The following ADGRG4 variants were observed in gnomAD, a reference collection of about 807,000 sequenced individuals.
ADGRG4 encodes adhesion G protein-coupled receptor G4.
Under a neutral mutation model 126.2 loss-of-function variants are expected in ADGRG4, and 122 were observed. The observed-to-expected ratio is 0.97, with a 90% CI of 0.83 to 1.12. ADGRG4 has a LOEUF of 1.12. Among genes scored for constraint, ADGRG4 ranks in the 50% most tolerant of loss-of-function variants. ADGRG4 has a pLI of 0.00. For missense variants in ADGRG4, 2,481 were observed against 2,251.8 expected (o/e 1.10, Z -2.06); for synonymous variants, 943 against 838.7 (o/e 1.12, Z -2.15).
At chrX:136,416,408 G>C (rs755836193) in intron 25 of ADGRG4, 46 bp from the exon 26 acceptor site, 13 of 1,101,378 alleles carry the variant, frequency 1.2e-5, no homozygotes, top group South Asian at 2.0e-5. Flanking sequence ...TATGTGCAAA[G>C]TCCCTGATGC....
chrX:136,338,494 C>T (rs766148518), intron 5 of ADGRG4, among the ~76,000 whole-genome samples: 1 of 111,656 alleles, frequency 9.0e-6, no homozygotes, highest in African/African-American at 3.3e-5. Context: ...TCAGGATTTG[C>T]AGATTTGTTA....
chrX:136,386,287 C>A (rs1351756127), intron 15 of ADGRG4, among the ~76,000 whole-genome samples: 1 of 111,639 alleles, frequency 9.0e-6, no homozygotes, highest in Non-Finnish European at 1.9e-5. Context: ...ATTTTGTTTA[C>A]AATGGGGTTT....
intron 18 of ADGRG4, among the ~76,000 whole-genome samples, chrX:136,393,796 G>A (rs748705956): frequency 9.9e-5 from 11 of 111,467 alleles, no homozygotes; most frequent in Non-Finnish European, 1.5e-4. Context: ...TTGGTGCTGG[G>A]GCTACAGTGC....
In ADGRG4 at chrX:136,346,185, C is replaced by G. The variant is rs138190399; in HGVS notation, c.2479C>G (p.Pro827Ala). ...IVFGGTTTPV[P>A]KSATTQRLNA... Reference sequence around the variant, plus strand: ...ATTTGGAGGTACAACGACCCCTGTACCAAAGTCAGCAACAACACAAAGATT... The same window carrying G: ...ATTTGGAGGTACAACGACCCCTGTAGCAAAGTCAGCAACAACACAAAGATT... The change falls in exon 6 of 26, where the codon CCA (proline) becomes GCA (alanine). Residue 827 changes from proline to alanine, a missense_variant. Physicochemically the swap from Pro to Ala is conservative, Grantham distance 27. Coordinates refer to ENST00000394143, the MANE Select transcript of ADGRG4 (RefSeq NM_153834.4). The G allele has an allele frequency of 8.4e-4, 1,009 of 1,206,884 alleles. 2 individuals are homozygous for G. The African/African-American group carries it at 0.016, about 19-fold the overall frequency.
At chrX:136,314,623 T>G (rs2074793760) in intron 4 of ADGRG4, among the ~76,000 whole-genome samples, 1 of 112,287 alleles carries the variant, frequency 8.9e-6, no homozygotes, top group African/African-American at 3.2e-5. Flanking sequence ...AATGTAGACA[T>G]TTCCTTTCCC....
intron 5 of ADGRG4, 48 bp downstream of exon 5, chrX:136,323,440 A>G (rs1347559028): frequency 1.8e-6 from 2 of 1,109,304 alleles, no homozygotes; most frequent in Non-Finnish European, 2.4e-6. Context: ...GTGTTGACAC[A>G]GTACTTCTCT....
At chrX:136,344,302 C>A in intron 5 of ADGRG4, 90 bp from the exon 6 acceptor site, 1 of 578,574 alleles carries the variant, frequency 1.7e-6, no homozygotes, top group East Asian at 3.6e-5. Context: ...TACTTTCTTA[C>A]AAAATGAAAA....
intron 22 of ADGRG4, 122 bp from the exon 23 acceptor site, chrX:136,405,570 A>G: frequency 2.0e-6 from 1 of 491,539 alleles, no homozygotes; most frequent in Non-Finnish European, 3.1e-6. Context: ...AACTCTGTCC[A>G]GTTCATTTCT....
At position 136,387,720 on chromosome X, in the gene ADGRG4, T is replaced by C; in HGVS notation, c.7777-20T>C. On this transcript the variant is annotated intron_variant, in intron 15 of 25. Transcript: ENST00000394143. ...GATGAATGAAGACTCCAATTTTCAT[T>C]TTTTGGCTTTTCTTGGCAGATTTTC... 1 of 1,199,823 alleles carries C rather than the reference T, an allele frequency of 8.3e-7. No homozygotes were observed. Among genetic ancestry groups the C allele is most frequent in the East Asian group, 3.0e-5 (1 of 33,468 alleles).
intron 4 of ADGRG4, among the ~76,000 whole-genome samples, chrX:136,319,733 ATC>A: frequency 1.8e-5 from 2 of 109,391 alleles, no homozygotes; most frequent in South Asian, 8.1e-4. Flanking sequence ...CTATCTATCT[ATC>A]TATCTATCTA....
intron 4 of ADGRG4, among the ~76,000 whole-genome samples, chrX:136,316,392 G>GAA (rs1162467523): frequency 4.0e-4 from 41 of 102,408 alleles, no homozygotes; most frequent in African/African-American, 1.3e-3. Context: ...GGATTTTGCT[G>GAA]AAAAAAAAAA....
chrX:136,393,779 C>T (rs1243432767), intron 18 of ADGRG4, among the ~76,000 whole-genome samples, 199 bp downstream of exon 18: 1 of 111,640 alleles, frequency 9.0e-6, no homozygotes, highest in Non-Finnish European at 1.9e-5. Flanking sequence ...TAGGTAAGAT[C>T]TCTCAATTGG....
At chrX:136,351,680 T>G (rs1384040903) in intron 7 of ADGRG4, 139 bp downstream of exon 7, 3 of 302,747 alleles carry the variant, frequency 9.9e-6, no homozygotes, top group Non-Finnish European at 1.7e-5. Context: ...AGTTTTTTTT[T>G]TTTTGCTGCA....
At position 136,345,120 on chromosome X, in the gene ADGRG4, G is replaced by A. The variant is rs765548885; in HGVS notation, c.1414G>A (p.Val472Met). The change falls in exon 6 of 26, where the codon GTG becomes ATG. Residue 472 changes from valine to methionine, a missense_variant. Transcript: ENST00000394143. ...TGCATCATCATTCCCACCTGAGCCT[G>A]TGCTCATCTCCACAGCTGCTCCAGT... is the stretch of plus-strand genomic sequence containing the variant. The part of the protein sequence containing the change: ...GTASSFPPEP[V>M]LISTAAPVDS... The A allele has an allele frequency of 7.0e-5, 85 of 1,209,557 alleles. No individual in the cohort carries two copies. The highest frequency in any genetic ancestry group is 8.9e-5 in the Non-Finnish European group (80 of 894,839).
chrX:136,377,167 C>CTTTTTTTTTTTTTTTT (rs1184343263), intron 15 of ADGRG4, among the ~76,000 whole-genome samples: 37 of 48,635 alleles, frequency 7.6e-4, no homozygotes, highest in African/African-American at 1.8e-3. Context: ...GTTTTCTTTC[C>CTTTTTTTTTTTTTTTT]TTTTTTTTTT....
At position 136,350,411 on chromosome X, in the gene ADGRG4, G is replaced by A. The variant is rs138606204; in HGVS notation, c.6705G>A (p.Ser2235=). The A allele has an allele frequency of 1.1e-4, 127 of 1,204,160 alleles. No individual in the cohort carries two copies. In the African/African-American group the frequency reaches 1.5e-3, roughly 14 times the overall value. Residue 2235 remains serine (S), a synonymous_variant, in exon 6 of 26, where the codon TCG becomes TCA. Coordinates refer to ENST00000394143, the MANE Select transcript of ADGRG4 (RefSeq NM_153834.4). The stretch of plus-strand genomic sequence containing the variant: ...TTCTATCTACGGAAGCATCGACTTC[G>A]CCTACTGCCACCAAGTCCACAGGTA... The part of the protein sequence containing the change: ...PSFLSTEAST[S]PTATKSTVSF...
At chrX:136,401,695 A>G (rs1055041154) in intron 21 of ADGRG4, among the ~76,000 whole-genome samples, 3 of 112,245 alleles carry the variant, frequency 2.7e-5, no homozygotes, top group Non-Finnish European at 3.8e-5. Flanking sequence ...GAACGACCCC[A>G]AAACAAAGGG....
At chrX:136,359,553 G>A (rs1399161090) in intron 11 of ADGRG4, 98 bp downstream of exon 11, 1 of 663,626 alleles carries the variant, frequency 1.5e-6, no homozygotes, top group African/African-American at 2.3e-5. Context: ...GTTCAGAAAG[G>A]AGAGAAGTCA....
intron 1 of ADGRG4, among the ~76,000 whole-genome samples, chrX:136,303,085 C>T (rs1026692027): frequency 1.2e-4 from 13 of 111,589 alleles, no homozygotes; most frequent in African/African-American, 4.2e-4. Context: ...CTTTGGGAGG[C>T]CAAGGTGAGA....
Sources: gnomAD v4.1 joint callset for allele counts (sites outside exome capture counted in the v4.1 genomes callset) on GRCh38, gnomAD v4.1.1 for gene constraint, MANE v1.5 for transcripts, NCBI Gene and HGNC (gene_info 2026-07-23, HGNC 2026-07-21) for gene names.